Variants in PRKG1 observed in about 807,000 individuals in gnomAD.
PRKG1 encodes protein kinase cGMP-dependent 1, also known as cGMP-dependent protein kinase 1.
Under a neutral mutation model 88.1 loss-of-function variants are expected in PRKG1, and 35 were observed. The observed-to-expected ratio is 0.40, with a 90% CI of 0.30 to 0.53. The LOEUF (loss-of-function observed/expected upper bound fraction) is 0.53, where lower values mean the gene tolerates loss of function less well. PRKG1 is among the 20% of genes least tolerant of loss of function. The probability of loss-of-function intolerance (pLI) is 0.59; values close to 1 mark genes in which losing one functional copy is unlikely to be tolerated. For synonymous variants in PRKG1, 303 were observed against 292.5 expected (o/e 1.04, Z -0.37); for missense variants, 540 against 839.8 (o/e 0.64, Z 4.41).
chr10:51,459,779 A>C (rs1839697265), intron 2 of PRKG1, among the ~76,000 whole-genome samples: 1 of 152,116 alleles, frequency 6.6e-6, no homozygotes, highest in Non-Finnish European at 1.5e-5. Context: ...TAAGCTTAGA[A>C]ATTTCTGTAA....
chr10:51,420,627 C>T (rs1000951923), intron 2 of PRKG1, among the ~76,000 whole-genome samples: 1 of 152,156 alleles, frequency 6.6e-6, no homozygotes, highest in Non-Finnish European at 1.5e-5. Context: ...ACAAAGGTTT[C>T]ACAACTTTTC....
At chr10:51,257,905 C>A (rs530460325) in intron 2 of PRKG1, among the ~76,000 whole-genome samples, 1 of 152,232 alleles carries the variant, frequency 6.6e-6, no homozygotes, top group Non-Finnish European at 1.5e-5. Context: ...AATCAGGGTT[C>A]TTTTGCCAAA....
At chr10:52,154,010 G>C (rs1444373639) in intron 8 of PRKG1, among the ~76,000 whole-genome samples, 2 of 152,120 alleles carry the variant, frequency 1.3e-5, no homozygotes, top group African/African-American at 4.8e-5. Context: ...CTCCCAAAGT[G>C]CTGGGATTGC....
chr10:51,610,964 T>C (rs1031216016), intron 3 of PRKG1, among the ~76,000 whole-genome samples: 3 of 151,822 alleles, frequency 2.0e-5, no homozygotes, highest in East Asian at 3.9e-4. Context: ...ACCTAGGTGA[T>C]GGACTGATAG....
At chr10:51,641,748 C>T (rs1467468453) in intron 3 of PRKG1, among the ~76,000 whole-genome samples, 1 of 152,132 alleles carries the variant, frequency 6.6e-6, no homozygotes, top group African/African-American at 2.4e-5. Flanking sequence ...TTGTACTCAT[C>T]GCCGTTCTTT....
intron 9 of PRKG1, among the ~76,000 whole-genome samples, chr10:52,212,015 T>A (rs1396460900): frequency 6.6e-6 from 1 of 152,216 alleles, no homozygotes; most frequent in African/African-American, 2.4e-5. Context: ...TTTTTATTAC[T>A]GTTGTTAAAA....
chr10:51,825,943 G>A (rs1229877262), intron 4 of PRKG1, among the ~76,000 whole-genome samples: 1 of 152,110 alleles, frequency 6.6e-6, no homozygotes, highest in African/African-American at 2.4e-5. Context: ...AAGTAAAGAT[G>A]AGAAATCAGA....
At chr10:51,317,624 G>A (rs1841356268) in intron 2 of PRKG1, among the ~76,000 whole-genome samples, 1 of 152,150 alleles carries the variant, frequency 6.6e-6, no homozygotes, top group African/African-American at 2.4e-5. Flanking sequence ...TAATAGGGAG[G>A]CCAGGACAGG....
chr10:51,553,932 G>A (rs1258334388), intron 3 of PRKG1, among the ~76,000 whole-genome samples: 1 of 133,994 alleles, frequency 7.5e-6, no homozygotes, highest in Non-Finnish European at 1.6e-5. Flanking sequence ...ATATATGTAT[G>A]TATTAGATAC....
At chr10:51,559,876 A>T (rs915509004) in intron 3 of PRKG1, among the ~76,000 whole-genome samples, 1 of 152,080 alleles carries the variant, frequency 6.6e-6, no homozygotes, top group African/African-American at 2.4e-5. Flanking sequence ...ATAAAGCAGG[A>T]TGGTTCTTCC....
chr10:51,117,595 G>A (rs1046306660), intron 1 of PRKG1, among the ~76,000 whole-genome samples: 8 of 152,080 alleles, frequency 5.3e-5, no homozygotes, highest in Admixed American at 4.6e-4. Context: ...GTTTGATATG[G>A]GTAATCTTAT....
intron 9 of PRKG1, among the ~76,000 whole-genome samples, chr10:52,190,915 C>G (rs1182575352): frequency 6.6e-6 from 1 of 152,092 alleles, no homozygotes; most frequent in Non-Finnish European, 1.5e-5. Context: ...CTCCCAAATA[C>G]ATCCTTCTAT....
intron 3 of PRKG1, among the ~76,000 whole-genome samples, chr10:51,525,792 A>G (rs1371361279): frequency 6.6e-6 from 1 of 152,058 alleles, no homozygotes; most frequent in East Asian, 1.9e-4. Context: ...ATGTTTAAAA[A>G]TGTACTATCC....
chr10:51,701,582 G>C (rs1841468286), intron 3 of PRKG1, among the ~76,000 whole-genome samples: 1 of 152,140 alleles, frequency 6.6e-6, no homozygotes, highest in South Asian at 2.1e-4. Flanking sequence ...AAGGGGAGGG[G>C]TTAAGGATAG....
intron 7 of PRKG1, among the ~76,000 whole-genome samples, chr10:52,075,080 G>A (rs557578574): frequency 6.6e-6 from 1 of 152,032 alleles, no homozygotes; most frequent in African/African-American, 2.4e-5. Context: ...AACTTTTCCT[G>A]GGCCATTTCG....
In PRKG1 at chr10:51,001,321, G is replaced by C. The variant is rs545275182; in HGVS notation, c.266+9677G>C. ...TGATTCCTGACAGTAGATGCCTGTGGCTGTGAAGAGCCATTCCATCATGTG... is the reference window on the plus strand; with the variant it reads ...TGATTCCTGACAGTAGATGCCTGTGCCTGTGAAGAGCCATTCCATCATGTG... On this transcript the variant is annotated intron_variant, in intron 1 of 17. Transcript: ENST00000401604. Among the ~76,000 whole-genome samples, 14 of 152,270 alleles carry C rather than the reference G, an allele frequency of 9.2e-5. No homozygotes were observed. The South Asian group carries it at 2.7e-3, about 29-fold the overall frequency.
chr10:51,873,470 T>C (rs16924426), intron 4 of PRKG1, among the ~76,000 whole-genome samples: 10,213 of 151,950 alleles, frequency 0.067, 388 homozygotes, highest in Middle Eastern at 0.13. Context: ...GTCTATCTAA[T>C]CATCTATGTC....
intron 1 of PRKG1, among the ~76,000 whole-genome samples, chr10:51,128,400 T>C (rs2131932181): frequency 6.6e-6 from 1 of 152,348 alleles, no homozygotes; most frequent in Admixed American, 6.5e-5. Context: ...AGTATTTTTG[T>C]GTGGGACATT....
intron 5 of PRKG1, among the ~76,000 whole-genome samples, chr10:51,983,782 A>G (rs546532448): frequency 6.6e-6 from 1 of 152,308 alleles, no homozygotes; most frequent in East Asian, 1.9e-4. Context: ...CTGAGATTCC[A>G]GAAGCCCATG....
Sources: gnomAD v4.1 joint callset for allele counts (sites outside exome capture counted in the v4.1 genomes callset) on GRCh38, gnomAD v4.1.1 for gene constraint, MANE v1.5 for transcripts, NCBI Gene and HGNC (gene_info 2026-07-23, HGNC 2026-07-21) for gene names.